RNF216: variants seen among roughly 807,000 people sequenced by gnomAD.
RNF216 encodes the protein ring finger protein 216.
A neutral mutation model predicts 110.8 loss-of-function variants in RNF216; 72 were observed. That is an observed-to-expected ratio of 0.65 (90% CI 0.54 to 0.79). The LOEUF (loss-of-function observed/expected upper bound fraction) is 0.79, where lower values mean the gene tolerates loss of function less well. Among genes scored for constraint, RNF216 ranks in the 30% least tolerant of loss-of-function variants. The pLI is 0.00. For missense variants in RNF216, 1,342 were observed against 1,141.2 expected, an observed-to-expected ratio of 1.18 and a Z score of -2.54; for synonymous variants, 495 against 407.5, an observed-to-expected ratio of 1.21 and a Z score of -2.59.
intron 13 of RNF216, among the ~76,000 whole-genome samples, chr7:5,687,489 C>T (rs1484493427): frequency 6.6e-6 from 1 of 151,554 alleles, no homozygotes; most frequent in African/African-American, 2.4e-5. Context: ...AGAGTCCACT[C>T]ACATCTACTT....
intron 14 of RNF216, among the ~76,000 whole-genome samples, chr7:5,650,183 T>C (rs1788302316): frequency 6.6e-6 from 1 of 152,206 alleles, no homozygotes; most frequent in Non-Finnish European, 1.5e-5. Flanking sequence ...AAGCATCCTC[T>C]ATCACTAAGG....
chr7:5,737,710 G>C (rs1176826526), intron 5 of RNF216, among the ~76,000 whole-genome samples: 1 of 152,096 alleles, frequency 6.6e-6, no homozygotes, highest in Admixed American at 6.6e-5. Context: ...CCTTGGCAGG[G>C]AAGAAACTCA....
chr7:5,735,615 T>A (rs1379674358), intron 5 of RNF216, among the ~76,000 whole-genome samples: 1 of 152,102 alleles, frequency 6.6e-6, no homozygotes, highest in Non-Finnish European at 1.5e-5. Flanking sequence ...GAAGAAATCA[T>A]CCAGAACGCA....
intron 15 of RNF216, among the ~76,000 whole-genome samples, chr7:5,639,040 A>T (rs1053338551): frequency 5.9e-5 from 9 of 152,142 alleles, no homozygotes; most frequent in Non-Finnish European, 1.2e-4. Context: ...TCCTCCACAG[A>T]CATTCTGGCT....
At chr7:5,762,131 C>T (rs1795966495) in intron 1 of RNF216, among the ~76,000 whole-genome samples, 1 of 152,092 alleles carries the variant, frequency 6.6e-6, no homozygotes, top group Non-Finnish European at 1.5e-5. Flanking sequence ...TCATATGATA[C>T]AACACAGTTA....
intron 10 of RNF216, 117 bp from the exon 11 acceptor site, chr7:5,715,307 A>G (rs1792976821): frequency 1.1e-6 from 1 of 899,540 alleles, no homozygotes; most frequent in Admixed American, 2.1e-5. Flanking sequence ...AAAGCAACCC[A>G]TTTTAGGGGC....
chr7:5,732,034 C>T (rs999245223), intron 5 of RNF216, among the ~76,000 whole-genome samples: 1 of 152,162 alleles, frequency 6.6e-6, no homozygotes, highest in Non-Finnish European at 1.5e-5. Context: ...TCTCTAAGCT[C>T]CCCGCTTCCC....
At position 5,622,987 on chromosome 7, in the gene RNF216, G is replaced by A; in HGVS notation, c.2645C>T (p.Pro882Leu). Residue 882 changes from proline (P) to leucine (L), a missense_variant, in exon 17 of 17, where the codon CCT becomes CTT. Coordinates refer to ENST00000389902, the MANE Select transcript of RNF216 (RefSeq NM_207111.4). ...AGGGGGCACGTACGGGGCTGGGATA[G>A]GCCCCATGTTGAGTGGGAAGTTGTT... ...VFNNFPLNMG[P>L]IPAPYVPPLP... 6.2e-7 allele frequency: 1 copy of A among 1,614,102 alleles called. No individual in the cohort carries two copies. Among genetic ancestry groups the A allele is most frequent in the Admixed American group, 1.7e-5 (1 of 60,028 alleles).
chr7:5,660,949 T>TTTTGTTTTTTG (rs1562799971), intron 13 of RNF216, among the ~76,000 whole-genome samples: 3 of 137,582 alleles, frequency 2.2e-5, no homozygotes, highest in South Asian at 2.3e-4. Context: ...TTAGGTTTTT[T>TTTTGTTTTTTG]TTTTTTTTTT....
chr7:5,692,393 C>A (rs932298756), intron 13 of RNF216, among the ~76,000 whole-genome samples: 10 of 152,220 alleles, frequency 6.6e-5, no homozygotes, highest in African/African-American at 2.4e-4. Context: ...CCGGGTGAAT[C>A]AGAACCCATC....
chr7:5,698,544 C>T (rs947354565), intron 13 of RNF216, among the ~76,000 whole-genome samples: 2 of 152,094 alleles, frequency 1.3e-5, no homozygotes, highest in African/African-American at 4.8e-5. Context: ...TGCACAGCAC[C>T]CATGCCTTAT....
At chr7:5,758,647 T>G (rs574921180) in intron 2 of RNF216, among the ~76,000 whole-genome samples, 1 of 152,192 alleles carries the variant, frequency 6.6e-6, no homozygotes, top group South Asian at 2.1e-4. Flanking sequence ...CTGCTGGGTT[T>G]TGGACTTGTG....
rs1421610973 is a variant in RNF216, at chr7:5,712,345, C to T, written c.1982+370G>A. ...AAATAAGCTGGAATGTGGTGGTGCA[C>T]GCCTGTAATCCAGGCTACTCAGGAG... On this transcript the variant is annotated intron_variant, in intron 12 of 16. Coordinates refer to ENST00000389902, the MANE Select transcript of RNF216 (RefSeq NM_207111.4). Among the ~76,000 whole-genome samples the T allele has an allele frequency of 1.7e-4, 26 of 152,136 alleles. 1 individual carries two copies. Among genetic ancestry groups the T allele is most frequent in the Admixed American group, 1.6e-3 (24 of 15,286 alleles).
chr7:5,727,063 T>C (rs140878341), intron 7 of RNF216, among the ~76,000 whole-genome samples: 1,739 of 152,218 alleles, frequency 0.011, 14 homozygotes, highest in Admixed American at 0.019. Flanking sequence ...TCATGTCCTG[T>C]GGCTACGCTG....
chr7:5,729,063 T>G (rs551230823), intron 7 of RNF216, among the ~76,000 whole-genome samples: 1 of 152,302 alleles, frequency 6.6e-6, no homozygotes, highest in East Asian at 1.9e-4. Context: ...TCTACAGACC[T>G]TACGTCCTAT....
At position 5,752,908 on chromosome 7, in the gene RNF216, C is replaced by T; in HGVS notation, c.139G>A (p.Val47Ile). ...SSDEERIPML[V>I]TPAPQQHEEE... ...TCATGCTGCTGAGGAGCTGGGGTGACCAGCATTGGAATCCTTTCCTCATCT... is the reference window on the plus strand; with the variant it reads ...TCATGCTGCTGAGGAGCTGGGGTGATCAGCATTGGAATCCTTTCCTCATCT... The change falls in exon 3 of 17, where the codon GTC becomes ATC. Residue 47 changes from valine (V) to isoleucine (I), a missense_variant. By Grantham distance (29) the Val-to-Ile change is conservative. Transcript: ENST00000389902. 1 of 1,612,032 alleles carries T rather than the reference C, an allele frequency of 6.2e-7. No homozygotes were observed. The highest frequency in any genetic ancestry group is 8.5e-7 in the Non-Finnish European group (1 of 1,179,118).
At chr7:5,641,975 G>A (rs1384231617) in intron 14 of RNF216, among the ~76,000 whole-genome samples, 1 of 145,908 alleles carries the variant, frequency 6.9e-6, no homozygotes. Flanking sequence ...GAAGGCTGCA[G>A]TGAGCTGAGA....
At chr7:5,704,959 C>A (rs1484740360) in intron 13 of RNF216, among the ~76,000 whole-genome samples, 1 of 152,196 alleles carries the variant, frequency 6.6e-6, no homozygotes, top group Admixed American at 6.5e-5. Context: ...CACACATTCT[C>A]TCCACTGCAA....
intron 15 of RNF216, among the ~76,000 whole-genome samples, chr7:5,630,641 C>A (rs1354050544): frequency 1.3e-5 from 2 of 152,166 alleles, no homozygotes; most frequent in Admixed American, 1.3e-4. Context: ...CATCCTCCCA[C>A]CTCCGCCTCC....
Sources: gnomAD v4.1 joint callset for allele counts (sites outside exome capture counted in the v4.1 genomes callset) on GRCh38, gnomAD v4.1.1 for gene constraint, MANE v1.5 for transcripts, NCBI Gene and HGNC (gene_info 2026-07-23, HGNC 2026-07-21) for gene names.